The following LRRC4C variants were observed in gnomAD, a reference collection of about 807,000 sequenced individuals.
The protein encoded by LRRC4C is leucine-rich repeat-containing protein 4C.
A neutral mutation model predicts 33.6 loss-of-function variants in LRRC4C; 5 were observed. The observed-to-expected ratio is 0.15, with a 90% CI of 0.08 to 0.31. LRRC4C has a LOEUF of 0.31. Ranked by LOEUF, LRRC4C falls within the 10% of genes least tolerant of loss-of-function variation. The pLI is 1.00. For missense variants in LRRC4C, 560 were observed against 796.7 expected (o/e 0.70, Z 3.58); for synonymous variants, 329 against 302.0 (o/e 1.09, Z -0.93).
At chr11:40,815,547 G>T (rs1410957831) in intron 2 of LRRC4C, among the ~76,000 whole-genome samples, 2 of 152,110 alleles carry the variant, frequency 1.3e-5, no homozygotes, top group Non-Finnish European at 2.9e-5. Context: ...AGCCCTGATT[G>T]CTCTCCATGG....
chr11:41,213,691 T>C (rs1217848990), intron 1 of LRRC4C, among the ~76,000 whole-genome samples: 1 of 152,218 alleles, frequency 6.6e-6, no homozygotes, highest in African/African-American at 2.4e-5. Flanking sequence ...ATGCATGTTA[T>C]AACAGATAAA....
chr11:41,184,266 T>C (rs1945588011), intron 1 of LRRC4C, among the ~76,000 whole-genome samples: 1 of 151,968 alleles, frequency 6.6e-6, no homozygotes, highest in Admixed American at 6.6e-5. Context: ...TTTTTTTTTT[T>C]CCTGTCATAT....
intron 1 of LRRC4C, among the ~76,000 whole-genome samples, chr11:41,143,045 A>C (rs1351570683): frequency 6.6e-6 from 1 of 152,130 alleles, no homozygotes; most frequent in Non-Finnish European, 1.5e-5. Flanking sequence ...TTCCTCTCCT[A>C]GCCTTTTTAT....
chr11:40,711,907 C>A (rs1036898090), intron 2 of LRRC4C, among the ~76,000 whole-genome samples: 2 of 152,152 alleles, frequency 1.3e-5, no homozygotes, highest in African/African-American at 4.8e-5. Context: ...TTGCCCTTTG[C>A]ATTTCCTTTC....
intron 1 of LRRC4C, among the ~76,000 whole-genome samples, chr11:40,934,403 C>A (rs1026172415): frequency 6.6e-6 from 1 of 152,056 alleles, no homozygotes; most frequent in African/African-American, 2.4e-5. Flanking sequence ...TCTGCATGTG[C>A]GTGTGTGTGC....
At chr11:40,948,068 A>G (rs1312295734) in intron 1 of LRRC4C, among the ~76,000 whole-genome samples, 1 of 152,092 alleles carries the variant, frequency 6.6e-6, no homozygotes, top group Admixed American at 6.6e-5. Flanking sequence ...GCCTCTTGAT[A>G]GGTACACTTC....
At chr11:40,217,536 C>T (rs1330884254) in intron 5 of LRRC4C, among the ~76,000 whole-genome samples, 1 of 152,006 alleles carries the variant, frequency 6.6e-6, no homozygotes, top group Non-Finnish European at 1.5e-5. Context: ...ATTTCTTTAC[C>T]ATGAAAGCAT....
intron 3 of LRRC4C, among the ~76,000 whole-genome samples, chr11:40,472,143 G>C (rs1161509653): frequency 3.3e-5 from 5 of 151,950 alleles, no homozygotes; most frequent in African/African-American, 1.2e-4. Flanking sequence ...AGCTGGTCGT[G>C]GTTGCGCATG....
At chr11:41,323,029 G>GAA (rs1330571296) in intron 1 of LRRC4C, among the ~76,000 whole-genome samples, 2 of 151,982 alleles carry the variant, frequency 1.3e-5, no homozygotes, top group Non-Finnish European at 2.9e-5. Flanking sequence ...AGGAAGAAGA[G>GAA]AAATAAAATA....
At chr11:40,881,300 T>A (rs945889896) in intron 2 of LRRC4C, among the ~76,000 whole-genome samples, 1 of 152,156 alleles carries the variant, frequency 6.6e-6, no homozygotes, top group Non-Finnish European at 1.5e-5. Flanking sequence ...ACAGCATACA[T>A]TTTTTGTTGA....
intron 1 of LRRC4C, among the ~76,000 whole-genome samples, chr11:41,081,236 T>C (rs1361852050): frequency 6.6e-6 from 1 of 152,228 alleles, no homozygotes; most frequent in Non-Finnish European, 1.5e-5. Flanking sequence ...TGAATGGGAA[T>C]GCATGTTGGG....
chr11:41,206,030 C>T (rs1565478827), intron 1 of LRRC4C, among the ~76,000 whole-genome samples: 1 of 152,006 alleles, frequency 6.6e-6, no homozygotes, highest in Admixed American at 6.6e-5. Flanking sequence ...ACCGTTAACC[C>T]CCTTCAACTT....
rs140169765 is a variant in LRRC4C, at chr11:41,084,661, C to A, written c.-495-150938G>T. 3.7e-3 allele frequency among the ~76,000 whole-genome samples: 559 copies of A among 152,188 alleles called. 3 individuals carry two copies. Among genetic ancestry groups the A allele is most frequent in the African/African-American group, 0.013 (527 of 41,540 alleles). On this transcript the variant is annotated intron_variant, in intron 1 of 6. Transcript: ENST00000528697. ...GTCAGGAATTCGAGACCAGCCTGGC[C>A]AACATGGTGAAACCCCATCTCTGCT...
chr11:41,250,977 G>A (rs926656954), intron 1 of LRRC4C, among the ~76,000 whole-genome samples: 5 of 152,088 alleles, frequency 3.3e-5, no homozygotes, highest in African/African-American at 1.2e-4. Flanking sequence ...TTTATAGATA[G>A]TTCTCTTATA....
At chr11:40,439,245 G>A (rs551401348) in intron 3 of LRRC4C, among the ~76,000 whole-genome samples, 2 of 150,656 alleles carry the variant, frequency 1.3e-5, no homozygotes, top group African/African-American at 2.4e-5. Context: ...TGGCCTATAA[G>A]TTGCTACTTT....
At chr11:41,373,484 G>A (rs1177029851) in intron 1 of LRRC4C, among the ~76,000 whole-genome samples, 1 of 152,068 alleles carries the variant, frequency 6.6e-6, no homozygotes, top group Non-Finnish European at 1.5e-5. Context: ...CTGGATCAAG[G>A]ATATATAAAT....
chr11:40,786,529 C>T (rs955371693), intron 2 of LRRC4C, among the ~76,000 whole-genome samples: 4 of 152,110 alleles, frequency 2.6e-5, no homozygotes, highest in African/African-American at 4.8e-5. Flanking sequence ...GACATATAAA[C>T]GTATATCATA....
At chr11:41,349,599 T>C (rs1266083973) in intron 1 of LRRC4C, among the ~76,000 whole-genome samples, 1 of 152,138 alleles carries the variant, frequency 6.6e-6, no homozygotes, top group Non-Finnish European at 1.5e-5. Flanking sequence ...GCTAATTGAC[T>C]AAACTCAACT....
chr11:40,609,083 T>C (rs745992156), intron 3 of LRRC4C, among the ~76,000 whole-genome samples: 5 of 152,076 alleles, frequency 3.3e-5, no homozygotes, highest in Admixed American at 6.6e-5. Flanking sequence ...AGTAGACATA[T>C]ACAAAACATT....
Sources: gnomAD v4.1 joint callset for allele counts (sites outside exome capture counted in the v4.1 genomes callset) on GRCh38, gnomAD v4.1.1 for gene constraint, MANE v1.5 for transcripts, NCBI Gene and HGNC (gene_info 2026-07-23, HGNC 2026-07-21) for gene names.